The following WWOX variants were observed in gnomAD, a reference collection of about 807,000 sequenced individuals.
The protein encoded by WWOX is WW domain-containing oxidoreductase.
A neutral mutation model predicts 46.2 loss-of-function variants in WWOX; 69 were observed. That is an observed-to-expected ratio of 1.49 (90% confidence interval 1.23 to 1.82). The LOEUF is 1.82. Ranked by LOEUF, WWOX falls within the 40% of genes most tolerant of loss-of-function variation. The pLI, the probability that WWOX is intolerant of heterozygous loss-of-function variation, is 0.00. For missense variants in WWOX, 919 were observed against 542.6 expected, an observed-to-expected ratio of 1.69 and a Z score of -6.89; for synonymous variants, 359 against 202.6, an observed-to-expected ratio of 1.77 and a Z score of -6.56.
At chr16:78,761,143 G>T (rs145345448) in intron 8 of WWOX, among the ~76,000 whole-genome samples, 2 of 152,152 alleles carry the variant, frequency 1.3e-5, no homozygotes, top group Non-Finnish European at 2.9e-5. Context: ...ATGACTGAGC[G>T]GGGGCTGTTT....
chr16:78,938,692 G>C (rs1409460537), intron 8 of WWOX, among the ~76,000 whole-genome samples: 1 of 152,204 alleles, frequency 6.6e-6, no homozygotes, highest in Non-Finnish European at 1.5e-5. Context: ...AATGAAGGCA[G>C]ACTAAGTGTC....
intron 8 of WWOX, among the ~76,000 whole-genome samples, chr16:78,731,984 C>T (rs894970202): frequency 2.6e-5 from 4 of 151,700 alleles, no homozygotes; most frequent in Non-Finnish European, 5.9e-5. Flanking sequence ...GTAGTTGGGA[C>T]AACAGGTATG....
intron 8 of WWOX, chr16:78,503,544 A>G (rs542090605): frequency 6.6e-6 from 1 of 152,192 alleles, no homozygotes; most frequent in South Asian, 2.1e-4. Context: ...TTTTCTCTCT[A>G]AAAGCATAAT....
At chr16:78,403,186 C>G (rs945267698) in intron 6 of WWOX, among the ~76,000 whole-genome samples, 2 of 152,200 alleles carry the variant, frequency 1.3e-5, no homozygotes, top group Non-Finnish European at 2.9e-5. Flanking sequence ...TGCTTAAGCA[C>G]ATTCCCCAAA....
intron 5 of WWOX, among the ~76,000 whole-genome samples, chr16:78,353,935 T>C (rs2081232120): frequency 6.6e-6 from 1 of 152,250 alleles, no homozygotes; most frequent in Non-Finnish European, 1.5e-5. Flanking sequence ...TTTCCTTAAG[T>C]GAACATCTGT....
At chr16:78,936,311 C>G (rs1244448537) in intron 8 of WWOX, among the ~76,000 whole-genome samples, 2 of 152,146 alleles carry the variant, frequency 1.3e-5, no homozygotes, top group Admixed American at 6.5e-5. Context: ...CCCAAGTGGT[C>G]CATCCCAAGC....
intron 6 of WWOX, among the ~76,000 whole-genome samples, chr16:78,407,054 A>G (rs2082566315): frequency 6.6e-6 from 1 of 152,190 alleles, no homozygotes; most frequent in Non-Finnish European, 1.5e-5. Flanking sequence ...CCTTACCTGG[A>G]CTGAGGCAGC....
chr16:78,174,429 A>T (rs1230163582), intron 5 of WWOX, among the ~76,000 whole-genome samples: 5 of 152,178 alleles, frequency 3.3e-5, no homozygotes, highest in South Asian at 4.1e-4. Context: ...ATCCTGGGAG[A>T]TATAATTCAA....
chr16:79,013,522 T>G (rs2047353919), intron 8 of WWOX, among the ~76,000 whole-genome samples: 1 of 152,160 alleles, frequency 6.6e-6, no homozygotes, highest in Non-Finnish European at 1.5e-5. Context: ...CTCAGGCGTG[T>G]GCAACAGGGA....
At chr16:79,036,236 G>T (rs942598779) in intron 8 of WWOX, among the ~76,000 whole-genome samples, 1 of 152,182 alleles carries the variant, frequency 6.6e-6, no homozygotes, top group Non-Finnish European at 1.5e-5. Context: ...TCCCCACTCT[G>T]TCAACCATGC....
At chr16:78,361,309 C>T (rs1262400269) in intron 5 of WWOX, among the ~76,000 whole-genome samples, 2 of 152,244 alleles carry the variant, frequency 1.3e-5, no homozygotes, top group Non-Finnish European at 2.9e-5. Flanking sequence ...TCTGTCTCAT[C>T]CCTGGTAATG....
At chr16:79,079,633 C>T (rs1457765101) in intron 8 of WWOX, among the ~76,000 whole-genome samples, 3 of 152,208 alleles carry the variant, frequency 2.0e-5, no homozygotes, top group Admixed American at 2.0e-4. Context: ...TTCACTAAGT[C>T]TTTCACCATC....
chr16:78,222,363 A>C (rs1344881091), intron 5 of WWOX, among the ~76,000 whole-genome samples: 1 of 141,100 alleles, frequency 7.1e-6, no homozygotes, highest in African/African-American at 2.6e-5. Flanking sequence ...AAAAAAAAGG[A>C]GAAGTCCAAC....
intron 8 of WWOX, among the ~76,000 whole-genome samples, chr16:79,026,238 C>T (rs1336494155): frequency 1.3e-5 from 2 of 151,742 alleles, no homozygotes; most frequent in South Asian, 4.1e-4. Context: ...TGACACTTCC[C>T]TTCTCTGTGC....
chr16:78,716,516 GA>G (rs1331006867), intron 8 of WWOX, among the ~76,000 whole-genome samples: 12 of 152,262 alleles, frequency 7.9e-5, no homozygotes, highest in African/African-American at 2.9e-4. Flanking sequence ...TATTTTAGGG[GA>G]TGCCCTCACT....
At chr16:78,890,670 C>T (rs965877466) in intron 8 of WWOX, 1 of 152,216 alleles carries the variant, frequency 6.6e-6, no homozygotes, top group South Asian at 2.1e-4. Flanking sequence ...GCCAGTCTTT[C>T]CCTAGACCAG....
At chr16:78,973,207 T>C (rs2046505989) in intron 8 of WWOX, among the ~76,000 whole-genome samples, 2 of 152,182 alleles carry the variant, frequency 1.3e-5, no homozygotes, top group Admixed American at 1.3e-4. Context: ...AAGGCCCTTA[T>C]TACAAAACCA....
At chr16:79,152,780 C>G (rs2050306760) in intron 8 of WWOX, among the ~76,000 whole-genome samples, 1 of 152,132 alleles carries the variant, frequency 6.6e-6, no homozygotes, top group African/African-American at 2.4e-5. Flanking sequence ...TGCAGTGCAG[C>G]TAACATCTAG....
chr16:78,369,912 C>A (rs1190524468), intron 5 of WWOX, among the ~76,000 whole-genome samples: 2 of 151,894 alleles, frequency 1.3e-5, no homozygotes, highest in African/African-American at 4.8e-5. Context: ...GCGGGAGGAT[C>A]ACATAAGGCC....
Sources: gnomAD v4.1 joint callset for allele counts (sites outside exome capture counted in the v4.1 genomes callset) on GRCh38, gnomAD v4.1.1 for gene constraint, MANE v1.5 for transcripts, NCBI Gene and HGNC (gene_info 2026-07-23, HGNC 2026-07-21) for gene names.